ARHGAP35: variants seen among roughly 807,000 people sequenced by gnomAD.
ARHGAP35 encodes the protein Rho GTPase activating protein 35, also known as rho GTPase-activating protein 35.
A neutral mutation model predicts 111.1 loss-of-function variants in ARHGAP35; 15 were observed. That is an observed-to-expected ratio of 0.13 (90% CI 0.09 to 0.21). The LOEUF is 0.21. Among genes scored for constraint, ARHGAP35 ranks in the 10% least tolerant of loss-of-function variants. The pLI is 1.00. For missense variants in ARHGAP35, 1,262 were observed against 1,873.0 expected, an observed-to-expected ratio of 0.67 and a Z score of 6.02; for synonymous variants, 643 against 710.3, an observed-to-expected ratio of 0.91 and a Z score of 1.51.
chr19:46,942,757 A>C lies in ARHGAP35; in HGVS notation c.3826+5349A>C, dbSNP rs149123151. On this transcript the variant is annotated intron_variant, in intron 3 of 6. Coordinates refer to ENST00000672722, the MANE Select transcript of ARHGAP35 (RefSeq NM_004491.5). ...TTGAGCCCAGGAGTTCCAAGGCTGC[A>C]CTGAGCTCTGATCGCACCACTGCAA... 5.0e-4 allele frequency among the ~76,000 whole-genome samples: 74 copies of C among 149,146 alleles called. No individual in the cohort carries two copies. In the East Asian group the frequency reaches 0.014, roughly 27 times the overall value.
chr19:46,947,732 C>T (rs2056388068), intron 3 of ARHGAP35: 3 of 152,174 alleles, frequency 2.0e-5, no homozygotes, highest in African/African-American at 7.2e-5. Context: ...CAAGACTGCC[C>T]TCCACATCCC....
intron 1 of ARHGAP35, among the ~76,000 whole-genome samples, chr19:46,875,318 A>C (rs1464447206): frequency 6.6e-6 from 1 of 152,150 alleles, no homozygotes; most frequent in African/African-American, 2.4e-5. Context: ...AGTGTTTTGG[A>C]TCCTCTGTGA....
intron 3 of ARHGAP35, among the ~76,000 whole-genome samples, chr19:46,963,222 A>G (rs1159283234): frequency 6.6e-6 from 1 of 152,104 alleles, no homozygotes; most frequent in Non-Finnish European, 1.5e-5. Flanking sequence ...CTCAGGGCAT[A>G]GTATGATTTT....
At position 46,989,387 on chromosome 19, in the gene ARHGAP35, C is replaced by T. The variant is rs563301944; in HGVS notation, c.3905-157C>T. On this transcript the variant is annotated intron_variant, in intron 4 of 6. Transcript: ENST00000672722. This position sits in a 1 kb window ranked among gnomAD's most constrained non-coding sequence, Gnocchi z 5.3. ...GCCCATGCCTGAACCTCAGAACTCGCGTTAGCGCTCACAAGTCCCACCCCT... is the reference window on the plus strand; with the variant it reads ...GCCCATGCCTGAACCTCAGAACTCGTGTTAGCGCTCACAAGTCCCACCCCT... The T allele has an allele frequency of 8.2e-4, 750 of 917,340 alleles. 3 individuals carry two copies. Among genetic ancestry groups the T allele is most frequent in the East Asian group, 3.0e-3 (107 of 35,868 alleles). The allele number at this position is 917,340 out of a possible 1,614,324, so 56.8% of individuals were successfully genotyped here.
intron 3 of ARHGAP35, among the ~76,000 whole-genome samples, chr19:46,938,937 G>A (rs1213655376): frequency 6.6e-6 from 1 of 152,196 alleles, no homozygotes; most frequent in African/African-American, 2.4e-5. Context: ...TTACAGGCAT[G>A]AGCCACTGCG....
chr19:46,933,914 C>T (rs542739379), intron 2 of ARHGAP35, among the ~76,000 whole-genome samples: 1 of 152,342 alleles, frequency 6.6e-6, no homozygotes, highest in South Asian at 2.1e-4. Context: ...AACACACCAG[C>T]ATCATCTTGT....
At chr19:46,904,286 T>A (rs1190836593) in intron 1 of ARHGAP35, among the ~76,000 whole-genome samples, 1 of 152,204 alleles carries the variant, frequency 6.6e-6, no homozygotes, top group Middle Eastern at 3.2e-3. Flanking sequence ...TGCCTTCCAG[T>A]GGCTTTCATT....
intron 1 of ARHGAP35, among the ~76,000 whole-genome samples, chr19:46,880,238 G>A (rs2055953745): frequency 6.6e-6 from 1 of 151,974 alleles, no homozygotes; most frequent in Non-Finnish European, 1.5e-5. Flanking sequence ...TTCGACACCA[G>A]CCTGGCCAAC....
intron 2 of ARHGAP35, among the ~76,000 whole-genome samples, chr19:46,932,345 C>T (rs1318536961): frequency 2.6e-5 from 4 of 152,118 alleles, no homozygotes; most frequent in African/African-American, 9.7e-5. Context: ...GATTGAATTC[C>T]TCTGGCTAGA....
At chr19:46,971,496 C>CT (rs985059963) in intron 3 of ARHGAP35, among the ~76,000 whole-genome samples, 1 of 151,078 alleles carries the variant, frequency 6.6e-6, no homozygotes, top group Non-Finnish European at 1.5e-5. Flanking sequence ...TTTTGTTTCT[C>CT]TTTTTTGGGG....
chr19:46,874,649 C>T (rs1412045314), intron 1 of ARHGAP35, among the ~76,000 whole-genome samples: 2 of 151,008 alleles, frequency 1.3e-5, no homozygotes, highest in African/African-American at 2.4e-5. Context: ...GGATTACAGG[C>T]GCCTGCTACC....
rs1288450214 is a variant in ARHGAP35 at position 47,003,853 on chromosome 19, A to C, written c.*3165A>C. 1 of 152,184 alleles carries C rather than the reference A, an allele frequency of 6.6e-6. No individual in the cohort carries two copies. Among genetic ancestry groups the C allele is most frequent in the Non-Finnish European group, 1.5e-5 (1 of 68,284 alleles). 9.4% of individuals were successfully genotyped at this position (152,184 alleles called of 1,614,324 possible). ...AGCTCCTGCTGCTCTTAGGGAAAGG[A>C]GGCCTGGGTCAAGCCAGCATCCCCT... On this transcript the variant is annotated 3_prime_UTR_variant, in exon 7 of 7. Coordinates refer to ENST00000672722, the MANE Select transcript of ARHGAP35 (RefSeq NM_004491.5).
intron 1 of ARHGAP35, among the ~76,000 whole-genome samples, chr19:46,874,486 T>C (rs940479734): frequency 2.7e-5 from 4 of 150,416 alleles, no homozygotes; most frequent in Non-Finnish European, 4.4e-5. Context: ...TCCAAGCTCA[T>C]GTTTTATGTT....
intron 3 of ARHGAP35, among the ~76,000 whole-genome samples, chr19:46,970,543 C>T (rs2056540628): frequency 6.6e-6 from 1 of 152,140 alleles, no homozygotes. Context: ...TGTACACTTG[C>T]CCTGTGGATG....
At chr19:46,893,262 A>T (rs2122155536) in intron 1 of ARHGAP35, among the ~76,000 whole-genome samples, 1 of 152,214 alleles carries the variant, frequency 6.6e-6, no homozygotes, top group East Asian at 1.9e-4. Context: ...AGCCAGCCAT[A>T]AGGTCTTGGC....
rs558614174 is a variant in ARHGAP35, at chr19:47,001,015, T to C, written c.*327T>C. On this transcript the variant is annotated 3_prime_UTR_variant, in exon 7 of 7. Transcript: ENST00000672722. The surrounding 1 kb of genome is among the most constrained non-coding windows in gnomAD (Gnocchi z 5.4). ...CAGCCTCCGGGTGCCTCCCTCTGCTTGTACAGAGCCCATGGTCGGGACAGT... is the reference window on the plus strand; with the variant it reads ...CAGCCTCCGGGTGCCTCCCTCTGCTCGTACAGAGCCCATGGTCGGGACAGT... The C allele has an allele frequency of 1.7e-5, 24 of 1,453,482 alleles. No homozygotes were observed. In the African/African-American group the frequency reaches 2.7e-4, roughly 16 times the overall value. 90.0% of individuals were successfully genotyped at this position (1,453,482 alleles called of 1,614,324 possible). A position where few individuals can be genotyped will look rare whatever the true frequency, so the allele number is the denominator to read the frequency against.
intron 3 of ARHGAP35, among the ~76,000 whole-genome samples, chr19:46,965,509 G>A (rs1207831368): frequency 1.3e-5 from 2 of 151,026 alleles, no homozygotes; most frequent in African/African-American, 4.9e-5. Context: ...TTTTGAGACA[G>A]GGTCTCACTT....
At position 46,920,937 on chromosome 19, in the gene ARHGAP35, T is replaced by G. The variant is rs1386901958; in HGVS notation, c.2262T>G (p.Val754=). 1 of 1,613,802 alleles carries G rather than the reference T, an allele frequency of 6.2e-7. No homozygotes were observed. The highest frequency in any genetic ancestry group is 8.5e-7 in the Non-Finnish European group (1 of 1,179,736). Reference sequence around the variant, plus strand: ...TTAATGAAAAGCAAATCAGTCAAGTTTTGAAGGGACTCCTGGACTCTAAGC... The same window carrying G: ...TTAATGAAAAGCAAATCAGTCAAGTGTTGAAGGGACTCCTGGACTCTAAGC... ...RNINEKQISQ[V]LKGLLDSKRN... is the part of the protein sequence containing the mutation. The change falls in exon 2 of 7, where the codon GTT becomes GTG. Residue 754 remains valine (V), a synonymous_variant. Transcript: ENST00000672722. This position sits in a 1 kb window ranked among gnomAD's most constrained non-coding sequence, Gnocchi z 7.0.
intron 1 of ARHGAP35, among the ~76,000 whole-genome samples, chr19:46,906,333 A>G (rs1352634823): frequency 6.6e-6 from 1 of 151,942 alleles, no homozygotes; most frequent in East Asian, 1.9e-4. Context: ...AAACAGATCA[A>G]ATTGGACTTG....
Sources: allele counts gnomAD v4.1 joint callset (sites outside exome capture counted in the v4.1 genomes callset), GRCh38; gene constraint gnomAD v4.1.1; non-coding constraint Gnocchi (gnomAD v3.1); transcripts MANE v1.5; gene names NCBI Gene and HGNC (gene_info 2026-07-23, HGNC 2026-07-21).